The following SNRNP200 variants were observed in gnomAD, a reference collection of about 807,000 sequenced individuals.
SNRNP200 encodes small nuclear ribonucleoprotein U5 subunit 200.
SNRNP200 carries 66 observed loss-of-function variants against 255.2 expected under a neutral mutation model. The observed-to-expected ratio is 0.26, with a 90% confidence interval of 0.21 to 0.32. The LOEUF (loss-of-function observed/expected upper bound fraction) is 0.32. Among genes scored for constraint, SNRNP200 ranks in the 10% least tolerant of loss-of-function variants. The pLI is 1.00. For synonymous variants in SNRNP200, 939 were observed against 1,027.8 expected, an observed-to-expected ratio of 0.91 and a Z score of 1.65; for missense variants, 1,585 against 2,749.8, an observed-to-expected ratio of 0.58 and a Z score of 9.47.
intron 13 of SNRNP200, 95 bp downstream of exon 13, chr2:96,296,441 A>G: frequency 8.1e-7 from 1 of 1,237,146 alleles, no homozygotes. Context: ...CATGCCAGAG[A>G]TGCCCTAATA....
At chr2:96,303,939 T>C (rs886372651) in intron 2 of SNRNP200, among the ~76,000 whole-genome samples, 2 of 151,402 alleles carry the variant, frequency 1.3e-5, no homozygotes, top group African/African-American at 2.4e-5. Context: ...ATGAGACTAT[T>C]ATATAATAGG....
chr2:96,286,560 A>G lies in SNRNP200; in HGVS notation c.3830-76T>C, dbSNP rs570639759. The G allele has an allele frequency of 3.2e-4, 515 of 1,595,770 alleles. 1 individual carries two copies. Among genetic ancestry groups the G allele is most frequent in the Admixed American group, 8.3e-4 (49 of 59,350 alleles). On this transcript the variant is annotated intron_variant, in intron 28 of 44. Coordinates refer to ENST00000323853, the MANE Select transcript of SNRNP200 (RefSeq NM_014014.5). This position sits in a 1 kb window ranked among gnomAD's most constrained non-coding sequence, Gnocchi z 4.8. Reference sequence around the variant, plus strand: ...TGGCCTCTAGATCCCCTCCATGAACACTGGAAACCTAGGCAGCATATGTAT... The same window carrying G: ...TGGCCTCTAGATCCCCTCCATGAACGCTGGAAACCTAGGCAGCATATGTAT...
At position 96,296,702 on chromosome 2, in the gene SNRNP200, G is replaced by T. The variant is rs1041248424; in HGVS notation, c.1516-11C>A. The T allele has an allele frequency of 2.5e-6, 4 of 1,613,974 alleles. No individual in the cohort carries two copies. In the African/African-American group the frequency reaches 5.3e-5, roughly 22 times the overall value. ...GGTCTTCCCAGCACCCTACGGGAGAGGTCAGGGATGAGAACGCCTATTCAC... is the reference window on the plus strand; with the variant it reads ...GGTCTTCCCAGCACCCTACGGGAGATGTCAGGGATGAGAACGCCTATTCAC... On this transcript the variant is annotated splice_polypyrimidine_tract_variant and intron_variant, in intron 12 of 44. Transcript: ENST00000323853.
At chr2:96,297,215 T>C in intron 11 of SNRNP200, 145 bp from the exon 12 acceptor site, 4 of 1,489,762 alleles carry the variant, frequency 2.7e-6, no homozygotes, top group South Asian at 1.2e-5. Flanking sequence ...TATTGTCCCC[T>C]GGGCTCAAAA....
chr2:96,301,612 A>C lies in SNRNP200; in HGVS notation c.486T>G (p.Gly162=). 1 of 1,614,040 alleles carries C rather than the reference A, an allele frequency of 6.2e-7. No individual in the cohort carries two copies. The highest frequency in any genetic ancestry group is 8.5e-7 in the Non-Finnish European group (1 of 1,180,014). Residue 162 remains glycine (G), a synonymous_variant, in exon 4 of 45, where the codon GGT becomes GGG. Coordinates refer to ENST00000323853, the MANE Select transcript of SNRNP200 (RefSeq NM_014014.5). ...CATGGTATCTGGTATCATCTGTTTG[A>C]CCCAGCAGCAGGTCAATCTCCTTTC... ...ERRKEIDLLL[G]QTDDTRYHVL...
rs763092179 is a variant in SNRNP200 at position 96,281,936 on chromosome 2, G to A, written c.4916-14C>T. On this transcript the variant is annotated splice_polypyrimidine_tract_variant and intron_variant, in intron 34 of 44. Transcript: ENST00000323853. ...CCTGGATAGCCCCTGAGCAGTAGAG[G>A]GGAGAGGAAGGCTGAGGGCAGGGGT... 6.2e-7 allele frequency: 1 copy of A among 1,605,272 alleles called. No individual in the cohort carries two copies. Among genetic ancestry groups the A allele is most frequent in the Admixed American group, 1.7e-5 (1 of 60,016 alleles).
chr2:96,290,107 A>G lies in SNRNP200; in HGVS notation c.2743-111T>C. 2 of 1,084,500 alleles carry G rather than the reference A, an allele frequency of 1.8e-6. No individual in the cohort carries two copies. The highest frequency in any genetic ancestry group is 2.4e-5 in the East Asian group (1 of 42,122). The allele number at this position is 1,084,500 out of a possible 1,614,324, so 67.2% of individuals were successfully genotyped here. A position where few individuals can be genotyped will look rare whatever the true frequency, so the allele number is the denominator to read the frequency against. ...TCCCAACTACAAGGATGCATATTAC[A>G]TCGTATTCTGAATGTTTTTAGCATT... On this transcript the variant is annotated intron_variant, in intron 20 of 44. Transcript: ENST00000323853. The surrounding 1 kb of genome is among the most constrained non-coding windows in gnomAD (Gnocchi z 4.5).
Position 96,283,836 on chromosome 2 carries a change from C to A in SNRNP200, c.4561G>T (p.Val1521Phe), listed in dbSNP as rs191776366. 1 of 1,606,986 alleles carries A rather than the reference C, an allele frequency of 6.2e-7. No individual in the cohort carries two copies. Among genetic ancestry groups the A allele is most frequent in the Non-Finnish European group, 8.5e-7 (1 of 1,176,598 alleles). Residue 1521 changes from valine (V) to phenylalanine (F), a missense_variant, in exon 32 of 45, where the codon GTC becomes TTC. Transcript: ENST00000323853. The surrounding 1 kb of genome is among the most constrained non-coding windows in gnomAD (Gnocchi z 4.7). ...ACCTGGATGTGCAGCTCCAAGGGGA[C>A]GGGACGCACATTGGGATGGAAGTTG... ...TFNFHPNVRPVPLELHIQGFN... is the reference protein window; with the variant it reads ...TFNFHPNVRPFPLELHIQGFN...
At chr2:96,299,247 G>C (rs1033429357) in intron 6 of SNRNP200, 82 bp downstream of exon 6, 1 of 1,296,876 alleles carries the variant, frequency 7.7e-7, no homozygotes, top group African/African-American at 1.5e-5. Flanking sequence ...CTCAATAAAT[G>C]TAACAGGACC....
At position 96,300,999 on chromosome 2, in the gene SNRNP200, T is replaced by A; in HGVS notation, c.629A>T (p.Glu210Val). 6.2e-7 allele frequency: 1 copy of A among 1,613,432 alleles called. No homozygotes were observed. The highest frequency in any genetic ancestry group is 8.5e-7 in the Non-Finnish European group (1 of 1,179,446). ...GVNVQFESDE[E>V]EGDEDVYGEV... The stretch of plus-strand genomic sequence containing the variant: ...GGACTGGGTATGTTTATCACTCACC[T>A]CCTCATCAGACTCAAACTGCACATT... The change falls in exon 5 of 45, where the codon GAG (glutamate) becomes GTG (valine). Residue 210 changes from glutamate to valine, a missense_variant and splice_region_variant. Glu to Val is a moderately radical substitution (Grantham distance 121). Coordinates refer to ENST00000323853, the MANE Select transcript of SNRNP200 (RefSeq NM_014014.5).
rs763206845 is a variant in SNRNP200 at position 96,297,360 on chromosome 2, T to C, written c.1377+3A>G. 1.2e-6 allele frequency: 2 copies of C among 1,613,304 alleles called. No individual in the cohort carries two copies. Among genetic ancestry groups the C allele is most frequent in the Non-Finnish European group, 1.7e-6 (2 of 1,179,998 alleles). On this transcript the variant is annotated splice_donor_region_variant and intron_variant, in intron 11 of 44. Transcript: ENST00000323853. ...AGAGAACTGAAGAAAGCAATTCACT[T>C]ACTTCTTCTGAGCCAAAGGGCTTGG...
chr2:96,287,251 G>T lies in SNRNP200; in HGVS notation c.3485-91C>A. 6.6e-7 allele frequency: 1 copy of T among 1,507,686 alleles called. No individual in the cohort carries two copies. The highest frequency in any genetic ancestry group is 9.2e-7 in the Non-Finnish European group (1 of 1,084,334). The allele number at this position is 1,507,686 out of a possible 1,614,324, so 93.4% of individuals were successfully genotyped here. On this transcript the variant is annotated intron_variant, in intron 26 of 44. Transcript: ENST00000323853. The surrounding 1 kb of genome is among the most constrained non-coding windows in gnomAD (Gnocchi z 5.7). ...AGGGCCACTGTGGGAAAGGGGTAGG[G>T]TCTTCCCTTTATGGTCAGTGGAGCC...
chr2:96,277,430 A>G lies in SNRNP200; in HGVS notation c.5931+109T>C. On this transcript the variant is annotated intron_variant, in intron 41 of 44. Transcript: ENST00000323853. This position sits in a 1 kb window ranked among gnomAD's most constrained non-coding sequence, Gnocchi z 4.4. ...AACAGGGAGCACCTTCGGAGGAACC[A>G]TAACTAAAAGTTTAACTTACTGAGA... 5 of 1,408,466 alleles carry G rather than the reference A, an allele frequency of 3.5e-6. No individual in the cohort carries two copies. The highest frequency in any genetic ancestry group is 5.0e-6 in the Non-Finnish European group (5 of 1,000,918). The allele number at this position is 1,408,466 out of a possible 1,614,324, so 87.2% of individuals were successfully genotyped here.
rs200645344 is a variant in SNRNP200, at chr2:96,303,270, C to T, written c.270G>A (p.Leu90=). 1.9e-6 allele frequency: 3 copies of T among 1,614,206 alleles called. No individual in the cohort carries two copies. Among genetic ancestry groups the T allele is most frequent in the Non-Finnish European group, 2.5e-6 (3 of 1,180,034 alleles). The change falls in exon 3 of 45, where the codon CTG becomes CTA. Residue 90 remains leucine (L), a synonymous_variant. Coordinates refer to ENST00000323853, the MANE Select transcript of SNRNP200 (RefSeq NM_014014.5). Reference sequence around the variant, plus strand: ...CCACCATCTCATCAATGCCCTCCGACAGCAGAGTATAACCCTTCATCTTGT... The same window carrying T: ...CCACCATCTCATCAATGCCCTCCGATAGCAGAGTATAACCCTTCATCTTGT... ...DINKMKGYTL[L]SEGIDEMVGI...
Position 96,291,958 on chromosome 2 carries a change from G to A in SNRNP200, c.2161-58C>T. ...AGATACTCACAGCCCCAGGGCACCTGCAGCAGGAAGCAGAAGTTGCACCAT... is the reference window on the plus strand; with the variant it reads ...AGATACTCACAGCCCCAGGGCACCTACAGCAGGAAGCAGAAGTTGCACCAT... On this transcript the variant is annotated intron_variant, in intron 16 of 44. Coordinates refer to ENST00000323853, the MANE Select transcript of SNRNP200 (RefSeq NM_014014.5). This position sits in a 1 kb window ranked among gnomAD's most constrained non-coding sequence, Gnocchi z 4.2. 6.3e-7 allele frequency: 1 copy of A among 1,587,428 alleles called. No individual in the cohort carries two copies. Among genetic ancestry groups the A allele is most frequent in the African/African-American group, 1.3e-5 (1 of 74,654 alleles).
At position 96,286,285 on chromosome 2, in the gene SNRNP200, T is replaced by C. The variant is rs747242153; in HGVS notation, c.4003+26A>G. 2 of 1,612,492 alleles carry C rather than the reference T, an allele frequency of 1.2e-6. No individual in the cohort carries two copies. The highest frequency in any genetic ancestry group is 1.1e-5 in the South Asian group (1 of 90,876). On this transcript the variant is annotated intron_variant, in intron 29 of 44. Transcript: ENST00000323853. The surrounding 1 kb of genome is among the most constrained non-coding windows in gnomAD (Gnocchi z 4.8). ...CTGTCTCCCGGTGACTTCAAAAGCC[T>C]CCAGAGGAGGGATGGAAACACTTAC...
chr2:96,291,381 C>A lies in SNRNP200; in HGVS notation c.2421+11G>T, dbSNP rs755123919. Reference sequence around the variant, plus strand: ...CCCACCTGCTCCTCCAAACGCTTTGCACCCCCTCACCTGAATATGTTTATC... The same window carrying A: ...CCCACCTGCTCCTCCAAACGCTTTGAACCCCCTCACCTGAATATGTTTATC... On this transcript the variant is annotated intron_variant, in intron 18 of 44. Transcript: ENST00000323853. The surrounding 1 kb of genome is among the most constrained non-coding windows in gnomAD (Gnocchi z 4.2). The A allele has an allele frequency of 6.7e-7, 1 of 1,486,618 alleles. No individual in the cohort carries two copies. The highest frequency in any genetic ancestry group is 9.4e-7 in the Non-Finnish European group (1 of 1,063,600). The allele number at this position is 1,486,618 out of a possible 1,614,324, so 92.1% of individuals were successfully genotyped here.
At chr2:96,293,890 G>A (rs1457078610) in intron 14 of SNRNP200, among the ~76,000 whole-genome samples, 2 of 152,204 alleles carry the variant, frequency 1.3e-5, no homozygotes, top group Non-Finnish European at 2.9e-5. Flanking sequence ...ATCAAATGAT[G>A]AGTTTGAATA....
In SNRNP200 at chr2:96,299,098, A is replaced by T. The variant is rs956197073; in HGVS notation, c.730-131T>A. ...TTGTGAGGACTTTCCAGAGGAAAAA[A>T]CTCTGGAATATTGAGTTCAGAAGCA... On this transcript the variant is annotated intron_variant, in intron 6 of 44. Coordinates refer to ENST00000323853, the MANE Select transcript of SNRNP200 (RefSeq NM_014014.5). The T allele has an allele frequency of 7.5e-6, 9 of 1,205,714 alleles. No individual in the cohort carries two copies. The Admixed American group carries it at 7.5e-5, about 10-fold the overall frequency. 74.7% of individuals were successfully genotyped at this position (1,205,714 alleles called of 1,614,324 possible). A position where few individuals can be genotyped will look rare whatever the true frequency, so the allele number is the denominator to read the frequency against.
Sources: allele counts gnomAD v4.1 joint callset (sites outside exome capture counted in the v4.1 genomes callset), GRCh38; gene constraint gnomAD v4.1.1; non-coding constraint Gnocchi (gnomAD v3.1); transcripts MANE v1.5; gene names NCBI Gene and HGNC (gene_info 2026-07-23, HGNC 2026-07-21).